The following CUX1 variants were observed in gnomAD, a reference collection of about 807,000 sequenced individuals.
The protein encoded by CUX1 is cut like homeobox 1, also known as protein CASP.
Under a neutral mutation model 158.8 loss-of-function variants are expected in CUX1, and 31 were observed. The observed-to-expected ratio is 0.20, with a 90% CI of 0.15 to 0.26. The LOEUF (loss-of-function observed/expected upper bound fraction) is 0.26. Ranked by LOEUF, CUX1 falls within the 10% of genes least tolerant of loss-of-function variation. CUX1 has a pLI of 1.00. For missense variants in CUX1, 1,589 were observed against 2,014.6 expected, an observed-to-expected ratio of 0.79 and a Z score of 4.04; for synonymous variants, 879 against 862.1, an observed-to-expected ratio of 1.02 and a Z score of -0.34.
intron 20 of CUX1, among the ~76,000 whole-genome samples, chr7:102,210,801 G>A (rs1289135157): frequency 6.6e-6 from 1 of 152,168 alleles, no homozygotes; most frequent in Non-Finnish European, 1.5e-5. Context: ...TCCAATGTGT[G>A]CCCCTCTTTG....
At chr7:102,233,110 C>A (rs1554531354) in intron 21 of CUX1, among the ~76,000 whole-genome samples, 2 of 151,990 alleles carry the variant, frequency 1.3e-5, no homozygotes, top group Non-Finnish European at 2.9e-5. Flanking sequence ...TTAGAGATTT[C>A]ACTGCCTCTG....
intron 1 of CUX1, among the ~76,000 whole-genome samples, chr7:101,873,251 A>G (rs530827722): frequency 1.3e-5 from 2 of 150,370 alleles, no homozygotes; most frequent in African/African-American, 4.9e-5. Context: ...GGTTTGTTAC[A>G]TAGGTAAACG....
At chr7:101,819,609 T>C (rs538620179) in intron 1 of CUX1, among the ~76,000 whole-genome samples, 1 of 152,310 alleles carries the variant, frequency 6.6e-6, no homozygotes, top group African/African-American at 2.4e-5. Context: ...AATTAAAATG[T>C]CCCATCTAGT....
chr7:102,196,886 T>A lies in CUX1; in HGVS notation c.1475T>A (p.Phe492Tyr). The A allele has an allele frequency of 6.2e-7, 1 of 1,614,148 alleles. No homozygotes were observed. The highest frequency in any genetic ancestry group is 8.5e-7 in the Non-Finnish European group (1 of 1,180,024). Residue 492 changes from phenylalanine to tyrosine, a missense_variant, in exon 15 of 24, where the codon TTC (phenylalanine) becomes TAC (tyrosine). Around this residue, in one of 8 missense-constraint regions of CUX1, gnomAD observed 515 missense variants for 574.4 expected, o/e 0.90. Coordinates refer to ENST00000292535, the MANE Select transcript of CUX1 (RefSeq NM_181552.4). Reference sequence around the variant, plus strand: ...CTCCAGCGGCAGCTAATGCAGTCCTTCTACTCCAAGGCTATGCAGGAAGCC... The same window carrying A: ...CTCCAGCGGCAGCTAATGCAGTCCTACTACTCCAAGGCTATGCAGGAAGCC... ...SLLQRQLMQS[F>Y]YSKAMQEAGS...
intron 21 of CUX1, among the ~76,000 whole-genome samples, chr7:102,227,953 T>TC (rs1554529269): frequency 7.0e-6 from 1 of 142,150 alleles, no homozygotes; most frequent in Non-Finnish European, 1.5e-5. Context: ...TTTTTTTTCT[T>TC]TTTTTTTTTT....
chr7:102,022,146 C>T (rs1220165294), intron 2 of CUX1, among the ~76,000 whole-genome samples: 1 of 152,154 alleles, frequency 6.6e-6, no homozygotes, highest in Non-Finnish European at 1.5e-5. Flanking sequence ...TGTGTTACGA[C>T]TCCCGCTCGT....
At chr7:102,217,218 C>A (rs564838376) in intron 20 of CUX1, among the ~76,000 whole-genome samples, 1 of 152,350 alleles carries the variant, frequency 6.6e-6, no homozygotes, top group East Asian at 1.9e-4. Flanking sequence ...GAGTTCACTA[C>A]CAAAATCGAA....
chr7:101,836,462 G>T (rs919347480), intron 1 of CUX1, among the ~76,000 whole-genome samples: 1 of 151,840 alleles, frequency 6.6e-6, no homozygotes. Flanking sequence ...TGCCCCCGCG[G>T]TCCTCCCTTC....
chr7:102,278,140 G>C (rs1181435390), intron 18 of CUX1: 39 of 1,109,094 alleles, frequency 3.5e-5, no homozygotes, highest in Admixed American at 1.9e-4. Context: ...CTGGAGATGG[G>C]AGGGTCGGGG....
Position 102,064,961 on chromosome 7 carries a change from TA to T in CUX1, c.190-5376del, listed in dbSNP as rs1032991624. Among the ~76,000 whole-genome samples, 41 of 152,222 alleles carry T rather than the reference TA, an allele frequency of 2.7e-4. 1 individual carries two copies. Among genetic ancestry groups the T allele is most frequent in the Non-Finnish European group, 2.9e-5 (2 of 68,010 alleles). ...AGAGGTTAGCGAAGGGTGTTCCAAG[TA>T]AGCAAAGCACGGAACTAGGAAGTCA... On this transcript the variant is annotated intron_variant, in intron 3 of 23. Coordinates refer to ENST00000292535, the MANE Select transcript of CUX1 (RefSeq NM_181552.4).
intron 1 of CUX1, among the ~76,000 whole-genome samples, chr7:101,872,635 A>G (rs2131471489): frequency 6.6e-6 from 1 of 151,826 alleles, no homozygotes; most frequent in East Asian, 1.9e-4. Flanking sequence ...TGCGTGAAAT[A>G]TTACGAAAAA....
intron 1 of CUX1, chr7:101,913,507 C>A: frequency 1.1e-6 from 1 of 946,940 alleles, no homozygotes; most frequent in Middle Eastern, 2.7e-4. Flanking sequence ...TCTGACAGAT[C>A]AGCCCAGGGA....
intron 8 of CUX1, among the ~76,000 whole-genome samples, chr7:102,145,297 C>G (rs1295503129): frequency 6.6e-6 from 1 of 151,880 alleles, no homozygotes; most frequent in Admixed American, 6.6e-5. Flanking sequence ...ATTGCCTCCC[C>G]AGAAATAGTT....
At chr7:101,946,878 A>G (rs1216296742) in intron 2 of CUX1, among the ~76,000 whole-genome samples, 2 of 152,134 alleles carry the variant, frequency 1.3e-5, no homozygotes, top group African/African-American at 2.4e-5. Context: ...GGACAATGTT[A>G]AGTGAGACCA....
At chr7:102,032,046 C>T (rs1286532605) in intron 3 of CUX1, among the ~76,000 whole-genome samples, 2 of 151,922 alleles carry the variant, frequency 1.3e-5, no homozygotes, top group Non-Finnish European at 2.9e-5. Context: ...CCACCTCAGC[C>T]TCCCAAGTAG....
intron 1 of CUX1, among the ~76,000 whole-genome samples, chr7:101,865,528 T>C (rs538698021): frequency 6.6e-6 from 1 of 152,354 alleles, no homozygotes; most frequent in East Asian, 1.9e-4. Flanking sequence ...CAATCCTGTC[T>C]ACTTTAGCGT....
intron 1 of CUX1, among the ~76,000 whole-genome samples, chr7:101,827,970 C>CTTG (rs1023386674): frequency 8.0e-6 from 1 of 125,284 alleles, no homozygotes; most frequent in Non-Finnish European, 1.6e-5. Context: ...ATTGGTATAA[C>CTTG]TTGTTTTTTT....
At chr7:102,171,728 A>G (rs1263494646) in intron 10 of CUX1, among the ~76,000 whole-genome samples, 3 of 151,980 alleles carry the variant, frequency 2.0e-5, no homozygotes, top group Admixed American at 1.3e-4. Context: ...GATTACAGGC[A>G]TGAGCCACCA....
chr7:102,168,908 C>CTTTTTTTTTT (rs1563341626), intron 9 of CUX1, among the ~76,000 whole-genome samples: 1 of 121,984 alleles, frequency 8.2e-6, no homozygotes, highest in Non-Finnish European at 1.7e-5. Context: ...CTTTTCTTTT[C>CTTTTTTTTTT]TTTTATTTTC....
Sources: allele counts gnomAD v4.1 joint callset (sites outside exome capture counted in the v4.1 genomes callset), GRCh38; gene constraint gnomAD v4.1.1; regional missense constraint gnomAD v4.1.1; transcripts MANE v1.5; gene names NCBI Gene and HGNC (gene_info 2026-07-23, HGNC 2026-07-21).